Variants in UNC5C observed in about 807,000 individuals in gnomAD.
The protein encoded by UNC5C is netrin receptor UNC5C.
In UNC5C, 47 loss-of-function variants were observed where a neutral mutation model predicts 99.8. That is an observed-to-expected ratio of 0.47 (90% CI 0.37 to 0.60). The LOEUF (loss-of-function observed/expected upper bound fraction) is 0.60. UNC5C is among the 20% of genes least tolerant of loss of function. The pLI is 0.00. For missense variants in UNC5C, 1,062 were observed against 1,165.9 expected, an observed-to-expected ratio of 0.91 and a Z score of 1.30; for synonymous variants, 487 against 452.2, an observed-to-expected ratio of 1.08 and a Z score of -0.98.
chr4:95,476,344 C>A (rs186424263), intron 1 of UNC5C, among the ~76,000 whole-genome samples: 2 of 151,990 alleles, frequency 1.3e-5, no homozygotes, highest in African/African-American at 4.8e-5. Flanking sequence ...TCTTAAAAAG[C>A]CTGGCATCTA....
chr4:95,274,506 T>C (rs1740783195), intron 4 of UNC5C, among the ~76,000 whole-genome samples: 1 of 152,142 alleles, frequency 6.6e-6, no homozygotes, highest in Admixed American at 6.5e-5. Flanking sequence ...GCTTCAGCCC[T>C]AGGGTCCCCT....
intron 7 of UNC5C, among the ~76,000 whole-genome samples, chr4:95,236,205 C>T (rs1386544571): frequency 6.6e-6 from 1 of 152,080 alleles, no homozygotes; most frequent in Admixed American, 6.5e-5. Context: ...CAATGATAGA[C>T]TGGATTAAGA....
At chr4:95,419,845 A>G (rs1241732389) in intron 1 of UNC5C, among the ~76,000 whole-genome samples, 2 of 152,072 alleles carry the variant, frequency 1.3e-5, no homozygotes, top group African/African-American at 4.8e-5. Context: ...CAATACCCCA[A>G]ACAAAGGATC....
chr4:95,186,452 C>T lies in UNC5C; in HGVS notation c.2137-1256G>A, dbSNP rs543766515. Among the ~76,000 whole-genome samples the T allele has an allele frequency of 1.2e-4, 18 of 152,178 alleles. No individual in the cohort carries two copies. In the South Asian group the frequency reaches 3.3e-3, roughly 28 times the overall value. On this transcript the variant is annotated intron_variant, in intron 12 of 15. Coordinates refer to ENST00000453304, the MANE Select transcript of UNC5C (RefSeq NM_003728.4). The stretch of plus-strand genomic sequence containing the variant: ...ATGCATCCACCTTGCATTTGTTGAA[C>T]GAATTCTAACCCATGCACTTGTAGA...
At chr4:95,184,359 T>C (rs1736747021) in intron 13 of UNC5C, among the ~76,000 whole-genome samples, 1 of 152,224 alleles carries the variant, frequency 6.6e-6, no homozygotes, top group Non-Finnish European at 1.5e-5. Flanking sequence ...TGCTGGGGTT[T>C]GGGTTGAATT....
At position 95,355,873 on chromosome 4, in the gene UNC5C, C is replaced by T. The variant is rs187027067; in HGVS notation, c.125-20242G>A. ...ATTTTACTACTTTTAATAAACAATA[C>T]GTTAGTTTTTGTGTTAATGCCTTGT... is the stretch of plus-strand genomic sequence containing the variant. On this transcript the variant is annotated intron_variant, in intron 1 of 15. Transcript: ENST00000453304. 1.5e-3 allele frequency among the ~76,000 whole-genome samples: 224 copies of T among 151,990 alleles called. 1 individual carries two copies. Among genetic ancestry groups the T allele is most frequent in the Admixed American group, 3.5e-3 (54 of 15,258 alleles).
At chr4:95,238,087 G>A (rs765642919) in intron 7 of UNC5C, among the ~76,000 whole-genome samples, 27 of 152,044 alleles carry the variant, frequency 1.8e-4, no homozygotes, top group Non-Finnish European at 3.4e-4. Flanking sequence ...CAACAATACT[G>A]TAAGTTCCAT....
At chr4:95,519,463 C>T (rs1295701117) in intron 1 of UNC5C, among the ~76,000 whole-genome samples, 2 of 151,960 alleles carry the variant, frequency 1.3e-5, no homozygotes, top group Non-Finnish European at 2.9e-5. Context: ...TTATGACCAA[C>T]GGCCCAAAAC....
At chr4:95,444,584 A>G (rs981442854) in intron 1 of UNC5C, among the ~76,000 whole-genome samples, 28 of 151,964 alleles carry the variant, frequency 1.8e-4, no homozygotes, top group African/African-American at 6.0e-4. Flanking sequence ...GCCCGCCTCA[A>G]CCTCCCAAAG....
At chr4:95,176,315 C>A (rs570636848) in intron 14 of UNC5C, among the ~76,000 whole-genome samples, 3 of 149,526 alleles carry the variant, frequency 2.0e-5, no homozygotes, top group Non-Finnish European at 3.0e-5. Context: ...GGAGGAGAGG[C>A]GCTCTGCTTT....
intron 1 of UNC5C, among the ~76,000 whole-genome samples, chr4:95,406,841 C>A (rs2149450310): frequency 6.6e-6 from 1 of 152,278 alleles, no homozygotes; most frequent in Non-Finnish European, 1.5e-5. Flanking sequence ...AAAGCTAGTT[C>A]ACTTCAAACT....
chr4:95,448,221 T>TGAGAGAGAGA (rs1284671236), intron 1 of UNC5C, among the ~76,000 whole-genome samples: 9 of 111,360 alleles, frequency 8.1e-5, no homozygotes, highest in South Asian at 5.7e-4. Flanking sequence ...TGTGTGTGTG[T>TGAGAGAGAGA]GTGTGTGAGA....
At chr4:95,439,683 G>C (rs1478341129) in intron 1 of UNC5C, among the ~76,000 whole-genome samples, 1 of 151,996 alleles carries the variant, frequency 6.6e-6, no homozygotes, top group East Asian at 1.9e-4. Flanking sequence ...TGGTGTTTTG[G>C]GAAAAAAGGT....
rs1357325003 is a variant in UNC5C, at chr4:95,165,374, T to C, written c.*3860A>G. ...ACCTCACCCAAAAGTTGTCCAGTTC[T>C]TGAAGAGCCTAACTTGCTCACAGCA... On this transcript the variant is annotated 3_prime_UTR_variant, in exon 16 of 16. Coordinates refer to ENST00000453304, the MANE Select transcript of UNC5C (RefSeq NM_003728.4). The C allele has an allele frequency of 6.6e-6, 1 of 152,232 alleles. No individual in the cohort carries two copies. Among genetic ancestry groups the C allele is most frequent in the Non-Finnish European group, 1.5e-5 (1 of 68,038 alleles). The allele number at this position is 152,232 out of a possible 1,614,324, so 9.4% of individuals were successfully genotyped here.
At chr4:95,369,493 A>G (rs934193934) in intron 1 of UNC5C, among the ~76,000 whole-genome samples, 10 of 152,060 alleles carry the variant, frequency 6.6e-5, no homozygotes, top group Non-Finnish European at 1.5e-4. Context: ...CAGAGATTGC[A>G]GTGAGCCGAG....
chr4:95,229,290 G>A (rs1039015079), intron 7 of UNC5C, among the ~76,000 whole-genome samples: 2 of 112,736 alleles, frequency 1.8e-5, no homozygotes, highest in African/African-American at 3.4e-5. Flanking sequence ...CCCCCACCCC[G>A]ACAGGCCCCG....
At chr4:95,293,941 T>A (rs770838266) in intron 3 of UNC5C, among the ~76,000 whole-genome samples, 1 of 152,176 alleles carries the variant, frequency 6.6e-6, no homozygotes, top group Non-Finnish European at 1.5e-5. Context: ...TTCTGGAGCC[T>A]ATCTGTCCAA....
intron 1 of UNC5C, among the ~76,000 whole-genome samples, chr4:95,514,391 C>A (rs746748783): frequency 2.6e-5 from 4 of 151,800 alleles, no homozygotes; most frequent in Non-Finnish European, 5.9e-5. Flanking sequence ...ATGCTTTGAC[C>A]AATTTACAAA....
At chr4:95,300,042 G>T (rs773769947) in intron 3 of UNC5C, among the ~76,000 whole-genome samples, 1 of 152,186 alleles carries the variant, frequency 6.6e-6, no homozygotes. Context: ...TGCTTTAGAA[G>T]CAGGATTGAT....
Sources: gnomAD v4.1 joint callset for allele counts (sites outside exome capture counted in the v4.1 genomes callset) on GRCh38, gnomAD v4.1.1 for gene constraint, MANE v1.5 for transcripts, NCBI Gene and HGNC (gene_info 2026-07-23, HGNC 2026-07-21) for gene names.